Variants in EXOC4 observed in about 807,000 individuals in gnomAD.
The protein encoded by EXOC4 is exocyst complex component 4.
In EXOC4, 71 loss-of-function variants were observed where a neutral mutation model predicts 107.2. That is an observed-to-expected ratio of 0.66 (90% CI 0.55 to 0.81). EXOC4 has a LOEUF of 0.81. Among genes scored for constraint, EXOC4 ranks in the 30% least tolerant of loss-of-function variants. The pLI, the probability that EXOC4 is intolerant of heterozygous loss-of-function variation, is 0.00. For missense variants in EXOC4, 1,108 were observed against 1,189.6 expected, an observed-to-expected ratio of 0.93 and a Z score of 1.01; for synonymous variants, 456 against 441.2, an observed-to-expected ratio of 1.03 and a Z score of -0.42.
intron 17 of EXOC4, among the ~76,000 whole-genome samples, chr7:134,054,575 G>A (rs112871423): frequency 1.2e-4 from 19 of 152,240 alleles, no homozygotes; most frequent in Middle Eastern, 6.8e-3. Flanking sequence ...AAGGTATTAA[G>A]TGAGATCAGT....
intron 9 of EXOC4, among the ~76,000 whole-genome samples, chr7:133,619,386 A>C (rs1486424902): frequency 1.3e-5 from 2 of 152,240 alleles, no homozygotes; most frequent in Non-Finnish European, 2.9e-5. Flanking sequence ...GCATTTAAAC[A>C]ACACTATTTC....
At chr7:133,593,537 A>G (rs764384729) in intron 9 of EXOC4, among the ~76,000 whole-genome samples, 11 of 152,240 alleles carry the variant, frequency 7.2e-5, no homozygotes, top group Non-Finnish European at 1.3e-4. Flanking sequence ...TGACAAGAAT[A>G]ACTGATGAAG....
At chr7:133,906,253 A>T (rs1478943198) in intron 12 of EXOC4, among the ~76,000 whole-genome samples, 1 of 151,870 alleles carries the variant, frequency 6.6e-6, no homozygotes, top group Non-Finnish European at 1.5e-5. Flanking sequence ...TAGGAATGAG[A>T]CTCTCCTTGA....
the EXOC4 span, among the ~76,000 whole-genome samples, chr7:134,084,990 G>A: frequency 6.6e-6 from 1 of 152,158 alleles, no homozygotes; most frequent in Non-Finnish European, 1.5e-5. Flanking sequence ...TTACAGCTGG[G>A]CGTTTGCCTT....
intron 14 of EXOC4, among the ~76,000 whole-genome samples, chr7:133,979,023 T>C (rs1793909264): frequency 6.6e-6 from 1 of 152,182 alleles, no homozygotes; most frequent in Non-Finnish European, 1.5e-5. Context: ...GGTGAACGTA[T>C]TTCCAAGAAA....
chr7:133,573,223 T>C (rs1585005913), intron 9 of EXOC4, among the ~76,000 whole-genome samples: 1 of 152,212 alleles, frequency 6.6e-6, no homozygotes, highest in South Asian at 2.1e-4. Context: ...CTTACCACTT[T>C]ATGTATATTG....
chr7:133,471,782 A>G (rs1459850568), intron 7 of EXOC4, among the ~76,000 whole-genome samples: 1 of 152,164 alleles, frequency 6.6e-6, no homozygotes, highest in Non-Finnish European at 1.5e-5. Flanking sequence ...CTATGGTGGA[A>G]GTAAAGAAAT....
At position 133,948,050 on chromosome 7, in the gene EXOC4, C is replaced by A. The variant is rs184045634; in HGVS notation, c.2206+9981C>A. Among the ~76,000 whole-genome samples the A allele has an allele frequency of 1.3e-3, 191 of 152,300 alleles. 2 individuals carry two copies. Among genetic ancestry groups the A allele is most frequent in the African/African-American group, 4.5e-3 (185 of 41,572 alleles). On this transcript the variant is annotated intron_variant, in intron 14 of 17. Transcript: ENST00000253861. ...AGAATCACCAGAGCCTGAGCCGACACCCAGCACAGCAGAGAGGAGGAGCGG... is the reference window on the plus strand; with the variant it reads ...AGAATCACCAGAGCCTGAGCCGACAACCAGCACAGCAGAGAGGAGGAGCGG...
At chr7:133,731,079 C>A (rs1040167142) in intron 10 of EXOC4, among the ~76,000 whole-genome samples, 1 of 152,040 alleles carries the variant, frequency 6.6e-6, no homozygotes, top group African/African-American at 2.4e-5. Context: ...CAGAGATTTT[C>A]AAAAATATTA....
At position 133,857,185 on chromosome 7, in the gene EXOC4, TATATATATATATATA is replaced by T. The variant is rs1798408557; in HGVS notation, c.1735-38413_1735-38399del. Among the ~76,000 whole-genome samples the T allele has an allele frequency of 2.9e-4, 14 of 47,980 alleles. 1 individual carries two copies. The South Asian group carries it at 3.8e-3, about 13-fold the overall frequency. The allele number at this position is 47,980 out of a possible 152,430, so 31.5% of individuals were successfully genotyped here. Reference sequence around the variant, plus strand: ...ATATATATATATATATATATATATATATATATATATATATATTTTACCTCTACTTAACCTCCCTGG... The same window carrying T: ...ATATATATATATATATATATATATATTTTTACCTCTACTTAACCTCCCTGG... On this transcript the variant is annotated intron_variant, in intron 11 of 17. Transcript: ENST00000253861.
At chr7:133,964,102 T>G (rs1015755616) in intron 14 of EXOC4, among the ~76,000 whole-genome samples, 1 of 152,142 alleles carries the variant, frequency 6.6e-6, no homozygotes, top group Non-Finnish European at 1.5e-5. Flanking sequence ...TGAGGTAATA[T>G]ATGAGAAAGA....
chr7:133,351,811 A>T (rs943589884), intron 5 of EXOC4, among the ~76,000 whole-genome samples: 1 of 151,918 alleles, frequency 6.6e-6, no homozygotes. Flanking sequence ...GTAAGCATTT[A>T]TAACTATAAA....
intron 11 of EXOC4, among the ~76,000 whole-genome samples, chr7:133,884,263 G>A (rs965511436): frequency 3.3e-5 from 5 of 152,102 alleles, no homozygotes; most frequent in African/African-American, 7.2e-5. Context: ...CAGTGGGGGC[G>A]GGCTGGGCAG....
chr7:133,367,602 T>C (rs1796275729), intron 6 of EXOC4, among the ~76,000 whole-genome samples: 1 of 152,146 alleles, frequency 6.6e-6, no homozygotes, highest in African/African-American at 2.4e-5. Context: ...AGTACTAATA[T>C]CACTTTGGCC....
Position 133,478,551 on chromosome 7 carries a change from A to C in EXOC4, c.1329-1499A>C, listed in dbSNP as rs536958980. 2.6e-5 allele frequency among the ~76,000 whole-genome samples: 4 copies of C among 152,276 alleles called. No homozygotes were observed. The South Asian group carries it at 8.3e-4, about 32-fold the overall frequency. On this transcript the variant is annotated intron_variant, in intron 8 of 17. Coordinates refer to ENST00000253861, the MANE Select transcript of EXOC4 (RefSeq NM_021807.4). ...AATCTCTAGTGCCTCTTTTACTGCA[A>C]AATTATATCAGTCTGTGACTTGTTG...
intron 6 of EXOC4, among the ~76,000 whole-genome samples, chr7:133,358,256 G>A (rs1404832363): frequency 1.3e-5 from 2 of 152,134 alleles, no homozygotes; most frequent in Non-Finnish European, 2.9e-5. Flanking sequence ...GTAAATATTT[G>A]ATGGGTTTTG....
intron 10 of EXOC4, among the ~76,000 whole-genome samples, chr7:133,645,100 T>TC (rs1802956659): frequency 6.7e-6 from 1 of 149,666 alleles, no homozygotes; most frequent in Non-Finnish European, 1.5e-5. Context: ...TTTTTTTTTT[T>TC]TTTTTCTTTG....
chr7:133,852,836 C>T (rs1329524317), intron 11 of EXOC4, among the ~76,000 whole-genome samples: 1 of 152,200 alleles, frequency 6.6e-6, no homozygotes, highest in Non-Finnish European at 1.5e-5. Context: ...GCAACATTTG[C>T]TGCCACTTAA....
At chr7:134,022,561 TA>T (rs760428641) in intron 17 of EXOC4, among the ~76,000 whole-genome samples, 18 of 149,070 alleles carry the variant, frequency 1.2e-4, no homozygotes, top group African/African-American at 2.2e-4. Flanking sequence ...TTTTTCAAAT[TA>T]AAAAAAAAAA....
Sources: gnomAD v4.1 joint callset for allele counts (sites outside exome capture counted in the v4.1 genomes callset) on GRCh38, gnomAD v4.1.1 for gene constraint, MANE v1.5 for transcripts, NCBI Gene and HGNC (gene_info 2026-07-23, HGNC 2026-07-21) for gene names.